ELL: variants seen among roughly 807,000 people sequenced by gnomAD.
ELL encodes the protein elongation factor for RNA polymerase II, also known as RNA polymerase II elongation factor ELL.
A neutral mutation model predicts 64.0 loss-of-function variants in ELL; 18 were observed. The observed-to-expected ratio is 0.28, with a 90% confidence interval of 0.19 to 0.42. The LOEUF is 0.42. Ranked by LOEUF, ELL falls within the 10% of genes least tolerant of loss-of-function variation. The probability of loss-of-function intolerance (pLI) is 1.00; values close to 1 mark genes in which losing one functional copy is unlikely to be tolerated. For synonymous variants in ELL, 399 were observed against 376.2 expected (o/e 1.06, Z -0.70); for missense variants, 797 against 870.4 (o/e 0.92, Z 1.06).
intron 1 of ELL, among the ~76,000 whole-genome samples, chr19:18,509,603 A>AGGG (rs1975970375): frequency 4.2e-5 from 1 of 23,886 alleles, no homozygotes; most frequent in African/African-American, 2.7e-4. Context: ...GCACATACAC[A>AGGG]CACACACACA....
At position 18,496,527 on chromosome 19, in the gene ELL, C is replaced by CT. The variant is rs35231179; in HGVS notation, c.136-23646dup. Among the ~76,000 whole-genome samples, 95 of 148,968 alleles carry CT rather than the reference C, an allele frequency of 6.4e-4. 1 individual carries two copies. In the East Asian group the frequency reaches 9.5e-3, roughly 15 times the overall value. The stretch of plus-strand genomic sequence containing the variant: ...AAACCAGGTCAAGTGCAGGTAACAA[C>CT]TTTTTTTTTTTTTTACCTTATTAGA... On this transcript the variant is annotated intron_variant, in intron 1 of 11. Coordinates refer to ENST00000262809, the MANE Select transcript of ELL (RefSeq NM_006532.4).
Position 18,458,206 on chromosome 19 carries a change from G to C in ELL, c.868C>G (p.Arg290Gly). 6.2e-7 allele frequency: 1 copy of C among 1,609,214 alleles called. No homozygotes were observed. The highest frequency in any genetic ancestry group is 2.2e-5 in the East Asian group (1 of 44,886). ...CTGGGGGATGGGAGGCGGCATTACC[G>C]GACGAGCACCCGCTTCAGCAGCTGC... ...DQQLLKRVLV[R>G]KLCQPQSTGS... The change falls in exon 6 of 12, where the codon CGG becomes GGG. Residue 290 changes from arginine to glycine, a missense_variant and splice_region_variant. Coordinates refer to ENST00000262809, the MANE Select transcript of ELL (RefSeq NM_006532.4).
chr19:18,494,302 G>A (rs1975600012), intron 1 of ELL, among the ~76,000 whole-genome samples: 1 of 152,164 alleles, frequency 6.6e-6, no homozygotes, highest in Non-Finnish European at 1.5e-5. Flanking sequence ...GAGAGAAAAA[G>A]GAGAGATTTG....
chr19:18,482,256 T>A (rs1162984525), intron 1 of ELL, among the ~76,000 whole-genome samples: 1 of 151,118 alleles, frequency 6.6e-6, no homozygotes, highest in Non-Finnish European at 1.5e-5. Flanking sequence ...ACAAGAGCTT[T>A]ATCAGATAAA....
Position 18,450,743 on chromosome 19 carries a change from A to G in ELL, c.1199T>C (p.Val400Ala). 1 of 1,583,610 alleles carries G rather than the reference A, an allele frequency of 6.3e-7. No homozygotes were observed. Among genetic ancestry groups the G allele is most frequent in the Non-Finnish European group, 8.6e-7 (1 of 1,165,114 alleles). ...PPRAHDPLADVSNDLGHSGRD... is the reference protein window; with the variant it reads ...PPRAHDPLADASNDLGHSGRD... ...GCCGCTGTGGCCCAGGTCATTGCTG[A>G]CATCGGCCAGGGGGTCGTGGGCCCT... The change falls in exon 8 of 12, where the codon GTC becomes GCC. Residue 400 changes from valine (V) to alanine (A), a missense_variant. Transcript: ENST00000262809.
intron 6 of ELL, among the ~76,000 whole-genome samples, chr19:18,456,052 G>A (rs956381342): frequency 8.6e-5 from 13 of 151,400 alleles, no homozygotes; most frequent in South Asian, 2.1e-4. Flanking sequence ...AGCCGAGATC[G>A]CGCCATTGCA....
intron 2 of ELL, among the ~76,000 whole-genome samples, chr19:18,469,240 A>G (rs1975012157): frequency 6.6e-6 from 1 of 152,064 alleles, no homozygotes; most frequent in Non-Finnish European, 1.5e-5. Flanking sequence ...AGTGTTAGGA[A>G]AGGTTTCCCG....
At chr19:18,469,680 C>A (rs1305244341) in intron 2 of ELL, among the ~76,000 whole-genome samples, 2 of 152,220 alleles carry the variant, frequency 1.3e-5, no homozygotes, top group Non-Finnish European at 2.9e-5. Context: ...GACACAGAGC[C>A]CAGGCCACAG....
At chr19:18,506,729 A>G (rs1975891172) in intron 1 of ELL, among the ~76,000 whole-genome samples, 1 of 152,114 alleles carries the variant, frequency 6.6e-6, no homozygotes, top group South Asian at 2.1e-4. Context: ...GTCTGAAAAA[A>G]CAAAAGCAGA....
intron 6 of ELL, among the ~76,000 whole-genome samples, chr19:18,452,089 C>T (rs1974551755): frequency 6.6e-6 from 1 of 152,160 alleles, no homozygotes; most frequent in Non-Finnish European, 1.5e-5. Flanking sequence ...GCAGAGTGGC[C>T]ACCAGCTTGA....
At chr19:18,468,161 TCACACATAACCA>T (rs1974991514) in intron 2 of ELL, among the ~76,000 whole-genome samples, 1 of 121,512 alleles carries the variant, frequency 8.2e-6, no homozygotes, top group Non-Finnish European at 1.7e-5. Context: ...CAAACACAAC[TCACACATAACCA>T]CACACACAAC....
intron 2 of ELL, among the ~76,000 whole-genome samples, chr19:18,470,495 C>A (rs886443116): frequency 3.9e-5 from 6 of 152,348 alleles, no homozygotes; most frequent in Middle Eastern, 3.4e-3. Flanking sequence ...CCTCTGACCC[C>A]TGAGAGAATG....
intron 1 of ELL, among the ~76,000 whole-genome samples, chr19:18,491,870 G>A (rs375349389): frequency 1.3e-5 from 2 of 152,272 alleles, no homozygotes; most frequent in African/African-American, 4.8e-5. Context: ...TACAGCCTGG[G>A]TGAAAGTGTG....
intron 1 of ELL, among the ~76,000 whole-genome samples, chr19:18,512,012 G>A (rs553212682): frequency 4.6e-5 from 7 of 151,998 alleles, no homozygotes; most frequent in South Asian, 4.2e-4. Context: ...AAAATTAGCC[G>A]GGCATGGTGG....
intron 1 of ELL, among the ~76,000 whole-genome samples, chr19:18,514,461 C>T (rs1403609749): frequency 7.0e-6 from 1 of 142,526 alleles, no homozygotes; most frequent in Non-Finnish European, 1.5e-5. Flanking sequence ...TTGCAGTGAG[C>T]TGAGATCACA....
chr19:18,518,701 G>A (rs1600514324), intron 1 of ELL, among the ~76,000 whole-genome samples: 1 of 151,540 alleles, frequency 6.6e-6, no homozygotes, highest in Non-Finnish European at 1.5e-5. Context: ...TGAGGCAGGA[G>A]AATCACTTGA....
intron 1 of ELL, among the ~76,000 whole-genome samples, chr19:18,474,894 G>A (rs1040640687): frequency 2.0e-5 from 3 of 152,208 alleles, no homozygotes; most frequent in Non-Finnish European, 4.4e-5. Context: ...AGGCCGAGGT[G>A]GGCAGATCAC....
At chr19:18,521,024 C>A (rs988361658) in intron 1 of ELL, among the ~76,000 whole-genome samples, 1 of 151,916 alleles carries the variant, frequency 6.6e-6, no homozygotes, top group Non-Finnish European at 1.5e-5. Context: ...ACAGCAGCCT[C>A]CCCTCCCCAC....
At position 18,521,991 on chromosome 19, in the gene ELL, T is replaced by C. The variant is rs772933382; in HGVS notation, c.65A>G (p.Lys22Arg). The C allele has an allele frequency of 4.3e-6, 7 of 1,611,180 alleles. No homozygotes were observed. The African/African-American group carries it at 8.1e-5, about 19-fold the overall frequency. ...LSCGRVSDGS[K>R]VSVFHVKLTD... ...GAGCTTCACGTGGAACACCGACACC[T>C]TGCTGCCGTCGCTAACCCGCCCGCA... The change falls in exon 1 of 12, where the codon AAG (lysine) becomes AGG (arginine). Residue 22 changes from lysine (K) to arginine (R), a missense_variant. By Grantham distance (26) the Lys-to-Arg change is conservative. Coordinates refer to ENST00000262809, the MANE Select transcript of ELL (RefSeq NM_006532.4).
Sources: gnomAD v4.1 joint callset for allele counts (sites outside exome capture counted in the v4.1 genomes callset) on GRCh38, gnomAD v4.1.1 for gene constraint, MANE v1.5 for transcripts, NCBI Gene and HGNC (gene_info 2026-07-23, HGNC 2026-07-21) for gene names.